The following MACROD2 variants were observed in gnomAD, a reference collection of about 807,000 sequenced individuals.
MACROD2 encodes mono-ADP ribosylhydrolase 2, also known as ADP-ribose glycohydrolase MACROD2.
A neutral mutation model predicts 70.4 loss-of-function variants in MACROD2; 36 were observed. The observed-to-expected ratio is 0.51, with a 90% CI of 0.39 to 0.68. MACROD2 has a LOEUF of 0.68. Among genes scored for constraint, MACROD2 ranks in the 30% least tolerant of loss-of-function variants. MACROD2 has a pLI of 0.00. For synonymous variants in MACROD2, 172 were observed against 178.8 expected, an observed-to-expected ratio of 0.96 and a Z score of 0.30; for missense variants, 496 against 538.4, an observed-to-expected ratio of 0.92 and a Z score of 0.78.
intron 5 of MACROD2, among the ~76,000 whole-genome samples, chr20:15,071,774 G>C (rs1032767151): frequency 6.6e-6 from 1 of 152,100 alleles, no homozygotes; most frequent in East Asian, 1.9e-4. Flanking sequence ...AGGGTTTGTT[G>C]TTCTGAAGTA....
At chr20:14,883,268 A>G (rs535037720) in intron 5 of MACROD2, among the ~76,000 whole-genome samples, 1 of 152,292 alleles carries the variant, frequency 6.6e-6, no homozygotes, top group African/African-American at 2.4e-5. Context: ...ACCAAGAGAC[A>G]TATCTAACCT....
chr20:15,125,491 A>G (rs761011356), intron 5 of MACROD2, among the ~76,000 whole-genome samples: 2 of 152,126 alleles, frequency 1.3e-5, no homozygotes, highest in African/African-American at 2.4e-5. Context: ...ACATTTATCA[A>G]ATACTTATCA....
At chr20:15,125,754 A>G (rs1264597095) in intron 5 of MACROD2, among the ~76,000 whole-genome samples, 1 of 151,952 alleles carries the variant, frequency 6.6e-6, no homozygotes, top group Non-Finnish European at 1.5e-5. Flanking sequence ...GTTTTTTTAC[A>G]TTAAAAAGGT....
chr20:14,872,710 T>A (rs2073502610), intron 5 of MACROD2, among the ~76,000 whole-genome samples: 2 of 152,122 alleles, frequency 1.3e-5, no homozygotes, highest in African/African-American at 4.8e-5. Flanking sequence ...TATTACCCAT[T>A]ATCATTATTA....
Position 15,637,487 on chromosome 20 carries a change from A to G in MACROD2, c.645+137640A>G, listed in dbSNP as rs535558062. On this transcript the variant is annotated intron_variant, in intron 8 of 17. Coordinates refer to ENST00000684519, the MANE Select transcript of MACROD2 (RefSeq NM_001351661.2). ...GACCCTGTGACAAATTTTCAACACC[A>G]TTTGGTCCAGCCAAAGGGTTGTTTC... Among the ~76,000 whole-genome samples, 34 of 152,320 alleles carry G rather than the reference A, an allele frequency of 2.2e-4. No individual in the cohort carries two copies. The South Asian group carries it at 5.4e-3, about 24-fold the overall frequency.
At chr20:15,190,994 C>T (rs1454510737) in intron 5 of MACROD2, among the ~76,000 whole-genome samples, 1 of 152,140 alleles carries the variant, frequency 6.6e-6, no homozygotes, top group South Asian at 2.1e-4. Context: ...CTGATAGAGG[C>T]CATCCCTCCT....
At chr20:15,320,006 C>G (rs11696544) in intron 6 of MACROD2, among the ~76,000 whole-genome samples, 5 of 152,022 alleles carry the variant, frequency 3.3e-5, no homozygotes, top group Admixed American at 6.6e-5. Context: ...GTCAGGAGTT[C>G]GAGACCAGCC....
At chr20:15,219,944 T>C (rs2076843361) in intron 5 of MACROD2, among the ~76,000 whole-genome samples, 3 of 138,874 alleles carry the variant, frequency 2.2e-5, no homozygotes, top group African/African-American at 8.2e-5. Flanking sequence ...TGCACTTATT[T>C]AATCATCTCC....
chr20:14,027,687 G>C (rs1368761640), intron 2 of MACROD2, among the ~76,000 whole-genome samples: 2 of 152,170 alleles, frequency 1.3e-5, no homozygotes, highest in African/African-American at 4.8e-5. Flanking sequence ...CAGGTCAGCT[G>C]GAGTTTCTTG....
At position 14,589,298 on chromosome 20, in the gene MACROD2, A is replaced by G. The variant is rs988210349; in HGVS notation, c.302-95545A>G. On this transcript the variant is annotated intron_variant, in intron 4 of 17. Coordinates refer to ENST00000684519, the MANE Select transcript of MACROD2 (RefSeq NM_001351661.2). ...AATCGCTATTCTTTTAAAATGGTGA[A>G]TTTCTCCTTTTTTCTATCTGTTATT... 7.2e-5 allele frequency among the ~76,000 whole-genome samples: 11 copies of G among 152,114 alleles called. No homozygotes were observed. The South Asian group carries it at 1.2e-3, about 17-fold the overall frequency.
chr20:15,813,581 C>A (rs2063842191), intron 8 of MACROD2, among the ~76,000 whole-genome samples: 4 of 152,056 alleles, frequency 2.6e-5, no homozygotes, highest in Admixed American at 2.6e-4. Context: ...AGTTCAAGAC[C>A]AGCATGGGAA....
intron 8 of MACROD2, among the ~76,000 whole-genome samples, chr20:15,793,504 A>G (rs891050610): frequency 1.3e-5 from 2 of 152,290 alleles, no homozygotes; most frequent in African/African-American, 4.8e-5. Context: ...TCTGAATTGT[A>G]AGATTCTGGG....
chr20:15,673,846 T>C (rs1006688153), intron 8 of MACROD2, among the ~76,000 whole-genome samples: 1 of 151,846 alleles, frequency 6.6e-6, no homozygotes, highest in Non-Finnish European at 1.5e-5. Flanking sequence ...TAGAAATTTC[T>C]GCCCTTAAAT....
At chr20:15,659,998 T>C (rs371901018) in intron 8 of MACROD2, among the ~76,000 whole-genome samples, 11 of 152,146 alleles carry the variant, frequency 7.2e-5, no homozygotes, top group Admixed American at 6.6e-5. Flanking sequence ...CCCCACCAGA[T>C]TGAAAGTTTC....
intron 4 of MACROD2, among the ~76,000 whole-genome samples, chr20:14,530,383 A>G (rs115451356): frequency 3.9e-5 from 6 of 152,318 alleles, no homozygotes; most frequent in African/African-American, 1.4e-4. Context: ...CTGCAAAGGG[A>G]TGGAGATTTG....
chr20:15,101,533 T>TAAAAAAAAAAAAAAA (rs1568573864), intron 5 of MACROD2, among the ~76,000 whole-genome samples: 1 of 7,494 alleles, frequency 1.3e-4, no homozygotes, highest in African/African-American at 2.3e-4. Context: ...AGGTGTTGGT[T>TAAAAAAAAAAAAAAA]CAAAAAAAAA....
intron 8 of MACROD2, among the ~76,000 whole-genome samples, chr20:15,551,218 C>G (rs184402576): frequency 1.4e-4 from 22 of 152,090 alleles, no homozygotes; most frequent in Middle Eastern, 3.4e-3. Flanking sequence ...CTGGGTATCT[C>G]CACTTCAGAA....
intron 5 of MACROD2, among the ~76,000 whole-genome samples, chr20:15,195,560 T>C (rs995402190): frequency 6.6e-6 from 1 of 152,142 alleles, no homozygotes; most frequent in African/African-American, 2.4e-5. Flanking sequence ...AGAATGGTCA[T>C]TGTTAAAAAG....
chr20:15,077,595 T>C (rs2075667845), intron 5 of MACROD2, among the ~76,000 whole-genome samples: 1 of 152,212 alleles, frequency 6.6e-6, no homozygotes, highest in Non-Finnish European at 1.5e-5. Flanking sequence ...AAATATGTTT[T>C]ACTCCAAGAA....
Sources: gnomAD v4.1 joint callset for allele counts (sites outside exome capture counted in the v4.1 genomes callset) on GRCh38, gnomAD v4.1.1 for gene constraint, MANE v1.5 for transcripts, NCBI Gene and HGNC (gene_info 2026-07-23, HGNC 2026-07-21) for gene names.